Variants in EFCAB13 observed in about 807,000 individuals in gnomAD.
The protein encoded by EFCAB13 is EF-hand calcium binding domain 13, also known as EF-hand calcium-binding domain-containing protein 13.
Under a neutral mutation model 110.2 loss-of-function variants are expected in EFCAB13, and 91 were observed. The ratio of observed to expected loss-of-function variants is 0.83; its 90% confidence interval spans 0.70 to 0.98. The LOEUF is 0.98. Among genes scored for constraint, EFCAB13 ranks in the 50% least tolerant of loss-of-function variants. The pLI is 0.00. For missense variants in EFCAB13, 968 were observed against 1,119.4 expected, an observed-to-expected ratio of 0.86 and a Z score of 1.93; for synonymous variants, 323 against 369.9, an observed-to-expected ratio of 0.87 and a Z score of 1.45.
chr17:47,394,095 AT>A lies in EFCAB13; in HGVS notation c.1799del (p.Leu600Ter). 1 of 1,515,654 alleles carries A rather than the reference AT, an allele frequency of 6.6e-7. No individual in the cohort carries two copies. The highest frequency in any genetic ancestry group is 8.8e-7 in the Non-Finnish European group (1 of 1,132,254). The allele number at this position is 1,515,654 out of a possible 1,614,324, so 93.9% of individuals were successfully genotyped here. On this transcript the variant is annotated frameshift_variant, in exon 16 of 25. Coordinates refer to ENST00000331493, the MANE Select transcript of EFCAB13 (RefSeq NM_152347.5). LOFTEE classifies it high-confidence loss of function. ...MSNTECFSEK[L>X]VLPDAIETLD... is the part of the protein sequence containing the mutation. ...GCAACACGGAATGCTTCTCTGAAAAATTAGGTACGTAAGAATATCATGTCTT... is the reference window on the plus strand; with the variant it reads ...GCAACACGGAATGCTTCTCTGAAAAATAGGTACGTAAGAATATCATGTCTT...
intron 23 of EFCAB13, among the ~76,000 whole-genome samples, chr17:47,419,995 C>T (rs988501069): frequency 9.9e-5 from 15 of 152,136 alleles, no homozygotes; most frequent in African/African-American, 3.4e-4. Flanking sequence ...CCTCTGATGC[C>T]GAGCGGAAGC....
intron 15 of EFCAB13, among the ~76,000 whole-genome samples, chr17:47,393,717 A>AAAATAAATAAATAAAT (rs142944677): frequency 5.6e-5 from 8 of 142,268 alleles, no homozygotes; most frequent in South Asian, 4.5e-4. Context: ...CTCTTTCTCA[A>AAAATAAATAAATAAAT]AAATAAATAA....
intron 5 of EFCAB13, among the ~76,000 whole-genome samples, chr17:47,339,309 G>A (rs1015829380): frequency 4.0e-4 from 61 of 151,952 alleles, no homozygotes; most frequent in Admixed American, 3.9e-3. Context: ...AGACTTTTTG[G>A]CACTAGGGAC....
intron 24 of EFCAB13, among the ~76,000 whole-genome samples, chr17:47,436,111 C>A (rs1341591384): frequency 6.6e-6 from 1 of 152,124 alleles, no homozygotes; most frequent in African/African-American, 2.4e-5. Flanking sequence ...CCCTGCATCC[C>A]TGGTACGAAA....
In EFCAB13 at chr17:47,404,613, A is replaced by G; in HGVS notation, c.2213A>G (p.Gln738Arg). The change falls in exon 20 of 25, where the codon CAG becomes CGG. Residue 738 changes from glutamine to arginine, a missense_variant. By Grantham distance (43) the Gln-to-Arg change is conservative. Coordinates refer to ENST00000331493, the MANE Select transcript of EFCAB13 (RefSeq NM_152347.5). ...KDCMRALRDT[Q>R]KFSNYIDFRK... ...TGTATGAGGGCTTTGAGGGACACCCAGAAATTTTCCAATTATATTGGTAAG... is the reference window on the plus strand; with the variant it reads ...TGTATGAGGGCTTTGAGGGACACCCGGAAATTTTCCAATTATATTGGTAAG... 8 of 1,612,582 alleles carry G rather than the reference A, an allele frequency of 5.0e-6. No homozygotes were observed. Among genetic ancestry groups the G allele is most frequent in the Non-Finnish European group, 6.8e-6 (8 of 1,179,052 alleles).
intron 17 of EFCAB13, among the ~76,000 whole-genome samples, chr17:47,399,335 TTTC>T (rs1464336069): frequency 1.3e-5 from 2 of 152,242 alleles, no homozygotes; most frequent in African/African-American, 4.8e-5. Context: ...TGTCATATCA[TTTC>T]TTCTTTTAAC....
chr17:47,386,052 A>C (rs1396501750), intron 14 of EFCAB13, among the ~76,000 whole-genome samples: 1 of 152,098 alleles, frequency 6.6e-6, no homozygotes. Flanking sequence ...CTCCTGCATG[A>C]GGTGTCTGAC....
chr17:47,380,442 G>A (rs995103176), intron 14 of EFCAB13, among the ~76,000 whole-genome samples: 1 of 152,154 alleles, frequency 6.6e-6, no homozygotes, highest in Non-Finnish European at 1.5e-5. Context: ...AGTAGTCCAT[G>A]GTGTATATGT....
rs2065532609 is a variant in EFCAB13, at chr17:47,364,171, A to G, written c.805+2650A>G. On this transcript the variant is annotated intron_variant, in intron 10 of 24. Transcript: ENST00000331493. ...GTGCTTGGCACCTAGAACAGACAGA[A>G]GGGTGAGGCAGAAACCTGAGAGTCA... Among the ~76,000 whole-genome samples, 4 of 152,196 alleles carry G rather than the reference A, an allele frequency of 2.6e-5. No individual in the cohort carries two copies. In the South Asian group the frequency reaches 8.3e-4, roughly 32 times the overall value.
rs759606947 is a variant in EFCAB13, at chr17:47,375,319, C to G, written c.1372+353C>G. On this transcript the variant is annotated intron_variant, in intron 12 of 24. Transcript: ENST00000331493. ...TATTTTTTATTTTTTGAGTCAGAATCTCACTCTGTCAACCAGGCTGGAGTG... is the reference window on the plus strand; with the variant it reads ...TATTTTTTATTTTTTGAGTCAGAATGTCACTCTGTCAACCAGGCTGGAGTG... 7.9e-5 allele frequency among the ~76,000 whole-genome samples: 12 copies of G among 152,108 alleles called. No individual in the cohort carries two copies. The South Asian group carries it at 8.3e-4, about 11-fold the overall frequency.
intron 23 of EFCAB13, among the ~76,000 whole-genome samples, chr17:47,421,202 AG>A (rs1297823391): frequency 1.3e-5 from 2 of 152,008 alleles, no homozygotes; most frequent in Admixed American, 6.5e-5. Flanking sequence ...TGGAATAGAA[AG>A]GGGGGAAAGG....
chr17:47,388,950 G>T (rs1256899099), intron 14 of EFCAB13, among the ~76,000 whole-genome samples: 2 of 151,874 alleles, frequency 1.3e-5, no homozygotes, highest in Non-Finnish European at 2.9e-5. Context: ...TAATAGGTGT[G>T]AAATGGTATT....
chr17:47,397,454 C>T (rs1452058329), intron 17 of EFCAB13, among the ~76,000 whole-genome samples: 2 of 113,414 alleles, frequency 1.8e-5, no homozygotes, highest in Non-Finnish European at 3.7e-5. Context: ...AAGTGAGGAG[C>T]GTCTCTGCCT....
intron 10 of EFCAB13, among the ~76,000 whole-genome samples, chr17:47,366,588 A>T (rs2065547737): frequency 6.6e-6 from 1 of 152,122 alleles, no homozygotes; most frequent in African/African-American, 2.4e-5. Flanking sequence ...TTAGAGTAGG[A>T]GGCTGTTTTG....
chr17:47,336,719 G>A (rs1030235384), intron 5 of EFCAB13, among the ~76,000 whole-genome samples: 1 of 151,612 alleles, frequency 6.6e-6, no homozygotes, highest in Non-Finnish European at 1.5e-5. Context: ...GATTACAAGC[G>A]TGAGCCACTG....
intron 10 of EFCAB13, among the ~76,000 whole-genome samples, chr17:47,365,884 A>C (rs1351612662): frequency 6.6e-6 from 1 of 152,168 alleles, no homozygotes; most frequent in Non-Finnish European, 1.5e-5. Context: ...AATTTTGGTC[A>C]AGGTATTGAT....
At position 47,346,819 on chromosome 17, in the gene EFCAB13, GA is replaced by G. The variant is rs2065419644; in HGVS notation, c.518-987del. On this transcript the variant is annotated intron_variant, in intron 8 of 24. Transcript: ENST00000331493. The stretch of plus-strand genomic sequence containing the variant: ...ATTTTATACTCAATATTTTTTCAGA[GA>G]AGCCTTTTGAAGGAGTTGTTTTCAT... Among the ~76,000 whole-genome samples the G allele has an allele frequency of 3.3e-5, 5 of 152,200 alleles. No individual in the cohort carries two copies. The South Asian group carries it at 1.0e-3, about 32-fold the overall frequency.
In EFCAB13 at chr17:47,404,006, T is replaced by G. The variant is rs1382338708; in HGVS notation, c.2146T>G (p.Ser716Ala). The change falls in exon 19 of 25, where the codon TCA becomes GCA. Residue 716 changes from serine (S) to alanine (A), a missense_variant. Physicochemically the swap from Ser to Ala is moderately conservative, Grantham distance 99 (BLOSUM62 1). Transcript: ENST00000331493. ...PKEEVEKILQ[S>A]DFVSEDNMVN... ...AGAAGAGGTAGAGAAAATTCTTCAATCAGATTTTGTTTCTGGTAAGCATTT... is the reference window on the plus strand; with the variant it reads ...AGAAGAGGTAGAGAAAATTCTTCAAGCAGATTTTGTTTCTGGTAAGCATTT... 1 of 1,592,526 alleles carries G rather than the reference T, an allele frequency of 6.3e-7. No homozygotes were observed. Among genetic ancestry groups the G allele is most frequent in the African/African-American group, 1.4e-5 (1 of 73,524 alleles).
intron 4 of EFCAB13, among the ~76,000 whole-genome samples, chr17:47,332,452 A>G (rs2065324766): frequency 1.3e-5 from 2 of 152,190 alleles, no homozygotes; most frequent in South Asian, 4.1e-4. Context: ...AGTATATATT[A>G]TTTACTAACC....
Sources: gnomAD v4.1 joint callset for allele counts (sites outside exome capture counted in the v4.1 genomes callset) on GRCh38, gnomAD v4.1.1 for gene constraint, MANE v1.5 for transcripts, NCBI Gene and HGNC (gene_info 2026-07-23, HGNC 2026-07-21) for gene names.